Variants in LPAR1 observed in about 807,000 individuals in gnomAD.
The protein encoded by LPAR1 is lysophosphatidic acid receptor 1.
LPAR1 carries 5 observed loss-of-function variants against 23.8 expected under a neutral mutation model. That is an observed-to-expected ratio of 0.21 (90% CI 0.11 to 0.44). The LOEUF (loss-of-function observed/expected upper bound fraction) is 0.44. LPAR1 is among the 20% of genes least tolerant of loss of function. The pLI, the probability that LPAR1 is intolerant of heterozygous loss-of-function variation, is 0.99. For missense variants in LPAR1, 311 were observed against 482.8 expected, an observed-to-expected ratio of 0.64 and a Z score of 3.33; for synonymous variants, 160 against 164.7, an observed-to-expected ratio of 0.97 and a Z score of 0.22.
intron 2 of LPAR1, among the ~76,000 whole-genome samples, chr9:110,990,082 C>A (rs1228135002): frequency 2.0e-5 from 3 of 152,048 alleles, no homozygotes; most frequent in Non-Finnish European, 4.4e-5. Flanking sequence ...AAAGTGTATG[C>A]ATCTAATTAC....
chr9:110,988,432 A>G (rs950204881), intron 2 of LPAR1, among the ~76,000 whole-genome samples: 7 of 152,132 alleles, frequency 4.6e-5, no homozygotes, highest in Admixed American at 4.6e-4. Flanking sequence ...ACTTGTATCC[A>G]GAATAAAGAA....
At chr9:111,000,699 C>A (rs2097111236) in intron 2 of LPAR1, among the ~76,000 whole-genome samples, 2 of 152,156 alleles carry the variant, frequency 1.3e-5, no homozygotes, top group South Asian at 4.1e-4. Context: ...CCACACTGTC[C>A]AATATGATAG....
intron 5 of LPAR1, among the ~76,000 whole-genome samples, chr9:110,905,387 G>A (rs1356571553): frequency 2.0e-5 from 3 of 147,076 alleles, no homozygotes; most frequent in Non-Finnish European, 4.5e-5. Flanking sequence ...GCTCTATTAC[G>A]CAGGCTGGAG....
chr9:110,905,697 T>C (rs1033636297), intron 5 of LPAR1, among the ~76,000 whole-genome samples: 1 of 152,168 alleles, frequency 6.6e-6, no homozygotes, highest in Non-Finnish European at 1.5e-5. Context: ...TTGCACCATT[T>C]ACCACAAAAG....
At chr9:110,902,636 A>G (rs948549554) in intron 5 of LPAR1, among the ~76,000 whole-genome samples, 24 of 152,114 alleles carry the variant, frequency 1.6e-4, no homozygotes, top group African/African-American at 5.6e-4. Flanking sequence ...CCTGCTGACC[A>G]TAAGAAGACA....
chr9:111,022,084 G>C (rs1340938835), intron 2 of LPAR1, among the ~76,000 whole-genome samples: 10 of 151,676 alleles, frequency 6.6e-5, no homozygotes, highest in Admixed American at 5.9e-4. Flanking sequence ...TGCCACCTGA[G>C]CCTGACCCCA....
chr9:110,899,086 A>G (rs1245366741), intron 5 of LPAR1, among the ~76,000 whole-genome samples: 1 of 152,222 alleles, frequency 6.6e-6, no homozygotes, highest in African/African-American at 2.4e-5. Flanking sequence ...CTGGAGAATT[A>G]ATGTTAAGAA....
At chr9:110,949,462 C>G (rs2095500429) in intron 4 of LPAR1, among the ~76,000 whole-genome samples, 1 of 152,214 alleles carries the variant, frequency 6.6e-6, no homozygotes, top group Admixed American at 6.5e-5. Context: ...TTTTAACATG[C>G]ACACTTGACT....
chr9:110,918,030 G>C (rs569996744), intron 5 of LPAR1, among the ~76,000 whole-genome samples: 1 of 152,092 alleles, frequency 6.6e-6, no homozygotes, highest in Non-Finnish European at 1.5e-5. Context: ...AGCCTTCCAA[G>C]TAGCTGGGAC....
chr9:110,886,635 T>C (rs910286548), intron 5 of LPAR1, among the ~76,000 whole-genome samples: 2 of 152,184 alleles, frequency 1.3e-5, no homozygotes, highest in African/African-American at 4.8e-5. Context: ...ACAGTAAGAT[T>C]TGTTTTCTTT....
At chr9:110,930,467 G>A (rs1487529871) in intron 5 of LPAR1, among the ~76,000 whole-genome samples, 4 of 151,948 alleles carry the variant, frequency 2.6e-5, no homozygotes, top group East Asian at 1.9e-4. Context: ...TGGAGATTGC[G>A]CCATTGCACT....
At chr9:110,911,236 C>A (rs576965574) in intron 5 of LPAR1, among the ~76,000 whole-genome samples, 2 of 152,298 alleles carry the variant, frequency 1.3e-5, no homozygotes, top group African/African-American at 4.8e-5. Flanking sequence ...CAAGGCCAGA[C>A]CTTCCACCAG....
chr9:110,944,134 G>A (rs2095287839), intron 4 of LPAR1, among the ~76,000 whole-genome samples: 1 of 152,112 alleles, frequency 6.6e-6, no homozygotes, highest in Non-Finnish European at 1.5e-5. Context: ...CTGAGAGTTT[G>A]TAAAACACTG....
chr9:110,975,260 G>A (rs1389724050), intron 2 of LPAR1, among the ~76,000 whole-genome samples: 4 of 152,176 alleles, frequency 2.6e-5, no homozygotes, highest in South Asian at 2.1e-4. Context: ...TAAGGAAAGC[G>A]AAATAGAAAT....
intron 5 of LPAR1, among the ~76,000 whole-genome samples, chr9:110,912,250 T>C (rs1004125091): frequency 6.6e-6 from 1 of 152,190 alleles, no homozygotes; most frequent in African/African-American, 2.4e-5. Context: ...ACCCTCTCCA[T>C]CATCGAGGTG....
chr9:111,024,234 G>A (rs567317725), intron 2 of LPAR1, among the ~76,000 whole-genome samples: 4 of 151,852 alleles, frequency 2.6e-5, no homozygotes, highest in South Asian at 2.1e-4. Flanking sequence ...TCTGAAGGGC[G>A]TAATATTAGA....
chr9:110,956,609 C>T (rs2095762893), intron 4 of LPAR1, among the ~76,000 whole-genome samples: 1 of 151,364 alleles, frequency 6.6e-6, no homozygotes. Flanking sequence ...AAAAAAAAAG[C>T]AGTATAACTG....
rs73655655 is a variant in LPAR1, at chr9:110,890,890, C to A, written c.794-15168G>T. Among the ~76,000 whole-genome samples the A allele has an allele frequency of 3.8e-3, 575 of 152,252 alleles. 2 individuals carry two copies. The highest frequency in any genetic ancestry group is 0.013 in the African/African-American group (527 of 41,556). On this transcript the variant is annotated intron_variant, in intron 5 of 5. Transcript: ENST00000683809. ...TTAAAAGGAAGATAAAACACCACCA[C>A]CAACAAATCAAAATATAATTACAAG...
intron 2 of LPAR1, among the ~76,000 whole-genome samples, chr9:110,975,074 A>T (rs2096526817): frequency 6.6e-6 from 1 of 152,212 alleles, no homozygotes; most frequent in African/African-American, 2.4e-5. Context: ...CAATAATACA[A>T]CTAAAAAGCA....
Sources: allele counts gnomAD v4.1 joint callset (sites outside exome capture counted in the v4.1 genomes callset), GRCh38; gene constraint gnomAD v4.1.1; transcripts MANE v1.5; gene names NCBI Gene and HGNC (gene_info 2026-07-23, HGNC 2026-07-21).